The following VAT1L variants were observed in gnomAD, a reference collection of about 807,000 sequenced individuals.
The protein encoded by VAT1L is vesicle amine transport 1 like.
VAT1L carries 34 observed loss-of-function variants against 44.1 expected under a neutral mutation model. The ratio of observed to expected loss-of-function variants is 0.77; its 90% CI spans 0.59 to 1.03. The LOEUF is 1.03. VAT1L is among the 50% of genes least tolerant of loss of function. The pLI is 0.00. For missense variants in VAT1L, 615 were observed against 538.8 expected (o/e 1.14, Z -1.40); for synonymous variants, 253 against 202.2 (o/e 1.25, Z -2.13).
At chr16:77,931,670 T>A (rs1183143926) in intron 7 of VAT1L, among the ~76,000 whole-genome samples, 1 of 152,218 alleles carries the variant, frequency 6.6e-6, no homozygotes, top group Non-Finnish European at 1.5e-5. Flanking sequence ...TACAGTGGAA[T>A]CCTAGTAGGA....
chr16:77,953,704 C>G (rs982674838), intron 7 of VAT1L, among the ~76,000 whole-genome samples: 1 of 152,048 alleles, frequency 6.6e-6, no homozygotes, highest in Non-Finnish European at 1.5e-5. Flanking sequence ...TTTCATTGCC[C>G]AAGCTGGTCT....
chr16:77,900,740 A>G (rs963551681), intron 7 of VAT1L, among the ~76,000 whole-genome samples: 21 of 151,534 alleles, frequency 1.4e-4, no homozygotes, highest in Non-Finnish European at 2.8e-4. Context: ...AATATTGCCC[A>G]TAATTGTGCC....
At chr16:77,887,544 G>T (rs956873646) in intron 7 of VAT1L, among the ~76,000 whole-genome samples, 12 of 152,138 alleles carry the variant, frequency 7.9e-5, no homozygotes, top group Non-Finnish European at 1.8e-4. Context: ...GATGGTACAC[G>T]TGAGGCAGCA....
At chr16:77,894,478 C>T (rs939397684) in intron 7 of VAT1L, among the ~76,000 whole-genome samples, 32 of 152,074 alleles carry the variant, frequency 2.1e-4, no homozygotes, top group East Asian at 1.9e-4. Context: ...GACAAACGCC[C>T]GGAACCCAGC....
chr16:77,918,374 AAC>A (rs2017572423), intron 7 of VAT1L, among the ~76,000 whole-genome samples: 1 of 152,152 alleles, frequency 6.6e-6, no homozygotes. Flanking sequence ...CACATATTCA[AAC>A]ACATATATCT....
chr16:77,865,792 C>T (rs1383964990), intron 4 of VAT1L, among the ~76,000 whole-genome samples: 2 of 152,156 alleles, frequency 1.3e-5, no homozygotes, highest in African/African-American at 4.8e-5. Flanking sequence ...GAGGCCAGTG[C>T]AGCTGGCAGG....
chr16:77,812,811 T>C (rs935280901), intron 1 of VAT1L, among the ~76,000 whole-genome samples: 3 of 152,336 alleles, frequency 2.0e-5, no homozygotes, highest in Middle Eastern at 6.8e-3. Flanking sequence ...TCCTTCAGGA[T>C]GCCATGTCTC....
At chr16:77,892,488 A>G in intron 7 of VAT1L, 1 of 539,058 alleles carries the variant, frequency 1.9e-6, no homozygotes, top group South Asian at 1.5e-5. Flanking sequence ...GTCTCCTTTG[A>G]GCTGTTTGCA....
In VAT1L at chr16:77,824,862, C is replaced by CTTTTT. The variant is rs756573336; in HGVS notation, c.364-367_364-363dup. Among the ~76,000 whole-genome samples, 70 of 75,512 alleles carry CTTTTT rather than the reference C, an allele frequency of 9.3e-4. 1 individual carries two copies. Among genetic ancestry groups the CTTTTT allele is most frequent in the African/African-American group, 3.0e-3 (56 of 18,884 alleles). The allele number at this position is 75,512 out of a possible 152,430, so 49.5% of individuals were successfully genotyped here. On this transcript the variant is annotated intron_variant, in intron 2 of 8. Transcript: ENST00000302536. ...GTACCGTGGATAGCTCCCAATAATG[C>CTTTTT]TTTTTTTTTTTTTTTTTTTTTGGAG... is the stretch of plus-strand genomic sequence containing the variant.
At chr16:77,817,394 A>C (rs182852141) in intron 2 of VAT1L, among the ~76,000 whole-genome samples, 5 of 152,334 alleles carry the variant, frequency 3.3e-5, no homozygotes, top group Admixed American at 3.3e-4. Flanking sequence ...GATCATCTTC[A>C]GCTCAAAATG....
chr16:77,921,776 C>G (rs1462538360), intron 7 of VAT1L, among the ~76,000 whole-genome samples: 2 of 152,168 alleles, frequency 1.3e-5, no homozygotes, highest in Non-Finnish European at 2.9e-5. Context: ...CAGGATCTCA[C>G]TCTGTTGGCC....
intron 7 of VAT1L, among the ~76,000 whole-genome samples, chr16:77,910,721 T>C (rs1415625522): frequency 6.8e-6 from 1 of 147,726 alleles, no homozygotes; most frequent in African/African-American, 2.5e-5. Context: ...AAGAATACAC[T>C]AGGCATCAAA....
chr16:77,946,279 C>T (rs371745425), intron 7 of VAT1L, among the ~76,000 whole-genome samples: 1,151 of 70,464 alleles, frequency 0.016, 11 homozygotes, highest in Non-Finnish European at 0.021. Flanking sequence ...GTTACTTGTT[C>T]TTTTTTTTTT....
intron 7 of VAT1L, among the ~76,000 whole-genome samples, chr16:77,960,570 A>G (rs2018150379): frequency 6.6e-6 from 1 of 152,188 alleles, no homozygotes; most frequent in Admixed American, 6.5e-5. Flanking sequence ...GCAGGAATGA[A>G]AGGGGAAATA....
intron 8 of VAT1L, among the ~76,000 whole-genome samples, chr16:77,974,384 T>C (rs953393561): frequency 3.3e-5 from 5 of 152,170 alleles, no homozygotes; most frequent in Admixed American, 1.3e-4. Flanking sequence ...TTTCCCACCC[T>C]GGGATGCTCC....
chr16:77,839,611 A>T (rs976031076), intron 3 of VAT1L, among the ~76,000 whole-genome samples: 1 of 149,026 alleles, frequency 6.7e-6, no homozygotes, highest in African/African-American at 2.5e-5. Context: ...TGACAAACTG[A>T]CCAGAGTATG....
At chr16:77,925,611 G>C (rs1435220154) in intron 7 of VAT1L, among the ~76,000 whole-genome samples, 1 of 152,128 alleles carries the variant, frequency 6.6e-6, no homozygotes, top group Non-Finnish European at 1.5e-5. Flanking sequence ...AACTCAGCAG[G>C]AGATGAGACT....
rs2017125459 is a variant in VAT1L at position 77,879,401 on chromosome 16, C to T, written c.882+177C>T. On this transcript the variant is annotated intron_variant, in intron 6 of 8. Coordinates refer to ENST00000302536, the MANE Select transcript of VAT1L (RefSeq NM_020927.3). The surrounding 1 kb of genome is among the most constrained non-coding windows in gnomAD (Gnocchi z 4.1). Reference sequence around the variant, plus strand: ...CGACTCCCTGGTTCAAGCGATTCTCCTGCCTCAGCCTCCCTAGTAGCTGGG... The same window carrying T: ...CGACTCCCTGGTTCAAGCGATTCTCTTGCCTCAGCCTCCCTAGTAGCTGGG... 6.6e-6 allele frequency among the ~76,000 whole-genome samples: 1 copy of T among 152,246 alleles called. No homozygotes were observed. The highest frequency in any genetic ancestry group is 6.5e-5 in the Admixed American group (1 of 15,294).
chr16:77,810,110 A>G (rs139056995), intron 1 of VAT1L, among the ~76,000 whole-genome samples: 327 of 152,356 alleles, frequency 2.1e-3, no homozygotes, highest in African/African-American at 7.7e-3. Context: ...ACTAAGATCA[A>G]AAATTCAACT....
Sources: gnomAD v4.1 joint callset for allele counts (sites outside exome capture counted in the v4.1 genomes callset) on GRCh38, gnomAD v4.1.1 for gene constraint, Gnocchi (gnomAD v3.1) non-coding constraint, MANE v1.5 for transcripts, NCBI Gene and HGNC (gene_info 2026-07-23, HGNC 2026-07-21) for gene names.